Variants in CHRNB2 observed in about 807,000 individuals in gnomAD.
The protein encoded by CHRNB2 is cholinergic receptor nicotinic beta 2 subunit.
Under a neutral mutation model 42.7 loss-of-function variants are expected in CHRNB2, and 33 were observed. That is an observed-to-expected ratio of 0.77 (90% CI 0.59 to 1.03). The LOEUF is 1.03. CHRNB2 is among the 50% of genes least tolerant of loss of function. The pLI is 0.00. For missense variants in CHRNB2, 603 were observed against 700.9 expected (o/e 0.86, Z 1.58); for synonymous variants, 325 against 292.9 (o/e 1.11, Z -1.12).
At position 154,575,816 on chromosome 1, in the gene CHRNB2, A is replaced by C; in HGVS notation, c.1393A>C (p.Ile465Leu). 1 of 1,613,838 alleles carries C rather than the reference A, an allele frequency of 6.2e-7. No individual in the cohort carries two copies. Among genetic ancestry groups the C allele is most frequent in the Non-Finnish European group, 8.5e-7 (1 of 1,179,994 alleles). ...AMVIDRLFLW[I>L]FVFVCVFGTI... Reference sequence around the variant, plus strand: ...GGTGATCGACCGCCTCTTCCTCTGGATCTTTGTCTTTGTCTGTGTCTTTGG... The same window carrying C: ...GGTGATCGACCGCCTCTTCCTCTGGCTCTTTGTCTTTGTCTGTGTCTTTGG... Residue 465 changes from isoleucine to leucine, a missense_variant, in exon 6 of 6, where the codon ATC (isoleucine) becomes CTC (leucine). By Grantham distance (5) the Ile-to-Leu change is conservative. Transcript: ENST00000368476.
chr1:154,570,979 C>T (rs773501380), intron 4 of CHRNB2, among the ~76,000 whole-genome samples: 4 of 151,998 alleles, frequency 2.6e-5, no homozygotes, highest in East Asian at 3.9e-4. Flanking sequence ...GACCAGGACA[C>T]TTCTTCTGGT....
chr1:154,576,767 G>A lies in CHRNB2; in HGVS notation c.*835G>A, dbSNP rs992090771. 1 of 152,244 alleles carries A rather than the reference G, an allele frequency of 6.6e-6. No homozygotes were observed. Among genetic ancestry groups the A allele is most frequent in the African/African-American group, 2.4e-5 (1 of 41,428 alleles). 9.4% of individuals were successfully genotyped at this position (152,244 alleles called of 1,614,324 possible). On this transcript the variant is annotated 3_prime_UTR_variant, in exon 6 of 6. Coordinates refer to ENST00000368476, the MANE Select transcript of CHRNB2 (RefSeq NM_000748.3). Reference sequence around the variant, plus strand: ...AAATCTGTGAGAAGTCCAAGTTCATGGGCTTTTGGAACTGGAAGAACTTTG... The same window carrying A: ...AAATCTGTGAGAAGTCCAAGTTCATAGGCTTTTGGAACTGGAAGAACTTTG...
rs1434865319 is a variant in CHRNB2, at chr1:154,571,783, C to T, written c.960C>T (p.Asn320=). 3.7e-6 allele frequency: 6 copies of T among 1,614,046 alleles called. No individual in the cohort carries two copies. In the Admixed American group the frequency reaches 6.7e-5, roughly 18 times the overall value. ...FSIVTSVCVL[N]VHHRSPTTHT... is the part of the protein sequence containing the mutation. ...TCGTCACCAGCGTGTGCGTGCTCAA[C>T]GTGCACCACCGCTCGCCCACCACGC... is the stretch of plus-strand genomic sequence containing the variant. Residue 320 remains asparagine (N), a synonymous_variant, in exon 5 of 6, where the codon AAC becomes AAT. Transcript: ENST00000368476. This position sits in a 1 kb window ranked among gnomAD's most constrained non-coding sequence, Gnocchi z 6.8.
At chr1:154,570,457 T>C in intron 4 of CHRNB2, 90 bp downstream of exon 4, 1 of 800,932 alleles carries the variant, frequency 1.2e-6, no homozygotes. Context: ...ACTTATGCTG[T>C]GGGAGGGGAG....
rs199996766 is a variant in CHRNB2, at chr1:154,576,458, C to T, written c.*526C>T. On this transcript the variant is annotated 3_prime_UTR_variant, in exon 6 of 6. Transcript: ENST00000368476. ...GACAGCAGCTGGACTGGGTGGGCCC[C>T]ACAGTGGTCAGCGATTCCTGCCAAG... 1.4e-5 allele frequency: 3 copies of T among 221,142 alleles called. No individual in the cohort carries two copies. Among genetic ancestry groups the T allele is most frequent in the South Asian group, 1.4e-4 (2 of 14,134 alleles). 13.7% of individuals were successfully genotyped at this position (221,142 alleles called of 1,614,324 possible).
chr1:154,569,366 G>A, intron 1 of CHRNB2, 96 bp from the exon 2 acceptor site: 1 of 1,435,392 alleles, frequency 7.0e-7, no homozygotes, highest in South Asian at 1.2e-5. Context: ...GGGAGATACT[G>A]GTTGGGCCTG....
rs1450162279 is a variant in CHRNB2 at position 154,571,524 on chromosome 1, C to T, written c.701C>T (p.Pro234Leu). Residue 234 changes from proline to leucine, a missense_variant, in exon 5 of 6, where the codon CCG becomes CTG. Physicochemically the swap from Pro to Leu is moderately conservative, Grantham distance 98 (BLOSUM62 -3). Coordinates refer to ENST00000368476, the MANE Select transcript of CHRNB2 (RefSeq NM_000748.3). The surrounding 1 kb of genome is among the most constrained non-coding windows in gnomAD (Gnocchi z 6.8). The stretch of plus-strand genomic sequence containing the variant: ...TATGACTTCATCATTCGCCGCAAGC[C>T]GCTCTTCTACACCATCAACCTCATC... ...ITYDFIIRRK[P>L]LFYTINLIIP... The T allele has an allele frequency of 5.6e-6, 9 of 1,614,108 alleles. No homozygotes were observed. The highest frequency in any genetic ancestry group is 1.6e-4 in the Middle Eastern group (1 of 6,062).
chr1:154,569,907 T>G, intron 3 of CHRNB2, 71 bp downstream of exon 3: 1 of 1,573,194 alleles, frequency 6.4e-7, no homozygotes, highest in East Asian at 2.2e-5. Flanking sequence ...ATGTGCTTTT[T>G]TCTTTCTTAA....
At chr1:154,572,509 C>T (rs3008435) in intron 5 of CHRNB2, among the ~76,000 whole-genome samples, 9 of 152,230 alleles carry the variant, frequency 5.9e-5, no homozygotes, top group Admixed American at 5.9e-4. Flanking sequence ...GCCGTGACCC[C>T]GAGAGTCCCT....
At chr1:154,573,460 C>T (rs1696214061) in intron 5 of CHRNB2, among the ~76,000 whole-genome samples, 1 of 152,280 alleles carries the variant, frequency 6.6e-6, no homozygotes, top group South Asian at 2.1e-4. Context: ...AGACTGAAAA[C>T]CCAGAGGGAT....
At chr1:154,574,845 A>C (rs1454441240) in intron 5 of CHRNB2, among the ~76,000 whole-genome samples, 2 of 152,116 alleles carry the variant, frequency 1.3e-5, no homozygotes, top group East Asian at 3.9e-4. Context: ...TGCTGACTAA[A>C]TAAAGATGCT....
intron 1 of CHRNB2, 109 bp downstream of exon 1, chr1:154,568,217 C>T (rs1462835909): frequency 1.5e-6 from 2 of 1,326,696 alleles, no homozygotes; most frequent in Non-Finnish European, 2.1e-6. Flanking sequence ...GAAGGGATTC[C>T]CTAGAGGTGG....
rs766963094 is a variant in CHRNB2 at position 154,571,449 on chromosome 1, C to T, written c.626C>T (p.Pro209Leu). The T allele has an allele frequency of 1.9e-6, 3 of 1,614,114 alleles. No homozygotes were observed. The highest frequency in any genetic ancestry group is 8.5e-7 in the Non-Finnish European group (1 of 1,180,020). ...PSGEWDIVAL[P>L]GRRNENPDDS... ...GGTGAGTGGGACATCGTGGCGCTGC[C>T]GGGCCGGCGCAACGAGAACCCCGAC... The change falls in exon 5 of 6, where the codon CCG becomes CTG. Residue 209 changes from proline (P) to leucine (L), a missense_variant. By Grantham distance (98) the Pro-to-Leu change is moderately conservative. Transcript: ENST00000368476. The surrounding 1 kb of genome is among the most constrained non-coding windows in gnomAD (Gnocchi z 6.8).
Position 154,578,066 on chromosome 1 carries a change from C to T in CHRNB2, c.*2134C>T, listed in dbSNP as rs1391669442. 1 of 152,300 alleles carries T rather than the reference C, an allele frequency of 6.6e-6. No homozygotes were observed. Among genetic ancestry groups the T allele is most frequent in the Non-Finnish European group, 1.5e-5 (1 of 68,106 alleles). 9.4% of individuals were successfully genotyped at this position (152,300 alleles called of 1,614,324 possible). A position where few individuals can be genotyped will look rare whatever the true frequency, so the allele number is the denominator to read the frequency against. ...TGTCTCTGCACTATGGAAACTTTCC[C>T]TCTTCTAGAGCGGATTGGGAGTTGC... is the stretch of plus-strand genomic sequence containing the variant. On this transcript the variant is annotated 3_prime_UTR_variant, in exon 6 of 6. Transcript: ENST00000368476.
rs767987485 is a variant in CHRNB2 at position 154,568,020 on chromosome 1, C to G, written c.-25C>G. On this transcript the variant is annotated 5_prime_UTR_variant, in exon 1 of 6. Transcript: ENST00000368476. ...GGCGGCGCGCTCCAGCCGGTGTAGG[C>G]GAGGCAGCGAGCTATGCCCGCGGCA... 6.4e-7 allele frequency: 1 copy of G among 1,554,072 alleles called. No homozygotes were observed. The highest frequency in any genetic ancestry group is 8.7e-7 in the Non-Finnish European group (1 of 1,154,304).
In CHRNB2 at chr1:154,571,319, C is replaced by G; in HGVS notation, c.496C>G (p.Gln166Glu). Residue 166 changes from glutamine to glutamate, a missense_variant, in exon 5 of 6, where the codon CAG becomes GAG. This residue lies in a region of CHRNB2 where 333 missense variants were observed against 452.6 expected (regional missense o/e 0.74). Coordinates refer to ENST00000368476, the MANE Select transcript of CHRNB2 (RefSeq NM_000748.3). This position sits in a 1 kb window ranked among gnomAD's most constrained non-coding sequence, Gnocchi z 6.8. ...KIEVKHFPFD[Q>E]QNCTMKFRSW... ...TGAAGTAAAGCACTTCCCATTTGAC[C>G]AGCAGAACTGCACCATGAAGTTCCG... 1 of 1,614,214 alleles carries G rather than the reference C, an allele frequency of 6.2e-7. No homozygotes were observed. The highest frequency in any genetic ancestry group is 8.5e-7 in the Non-Finnish European group (1 of 1,180,044).
chr1:154,575,726 C>T (rs1696259200), intron 5 of CHRNB2, 36 bp from the exon 6 acceptor site: 1 of 1,612,774 alleles, frequency 6.2e-7, no homozygotes, highest in African/African-American at 1.3e-5. Flanking sequence ...CATCCTGCAT[C>T]ATGTGACCTG....
At chr1:154,574,915 G>A (rs928086474) in intron 5 of CHRNB2, among the ~76,000 whole-genome samples, 7 of 152,196 alleles carry the variant, frequency 4.6e-5, no homozygotes, top group Admixed American at 3.3e-4. Flanking sequence ...GTGCACAAAG[G>A]CCCAGACTCA....
At position 154,570,323 on chromosome 1, in the gene CHRNB2, C is replaced by T. The variant is rs375527798; in HGVS notation, c.321C>T (p.Leu107=). ...EEFDNMKKVR[L]PSKHIWLPDV... ...TTGACAACATGAAGAAAGTTCGGCT[C>T]CCTTCCAAACACATCTGGCTCCCAG... is the stretch of plus-strand genomic sequence containing the variant. The change falls in exon 4 of 6, where the codon CTC becomes CTT. Residue 107 remains leucine (L), a synonymous_variant. Transcript: ENST00000368476. 1.2e-6 allele frequency: 2 copies of T among 1,612,462 alleles called. No homozygotes were observed. Among genetic ancestry groups the T allele is most frequent in the Admixed American group, 3.3e-5 (2 of 59,850 alleles).
Sources: gnomAD v4.1 joint callset for allele counts (sites outside exome capture counted in the v4.1 genomes callset) on GRCh38, gnomAD v4.1.1 for gene constraint, gnomAD v4.1.1 regional missense constraint, Gnocchi (gnomAD v3.1) non-coding constraint, MANE v1.5 for transcripts, NCBI Gene and HGNC (gene_info 2026-07-23, HGNC 2026-07-21) for gene names.